Variants in ZNF609 observed in about 807,000 individuals in gnomAD.
ZNF609 encodes the protein zinc finger protein 609.
ZNF609 carries 11 observed loss-of-function variants against 109.5 expected under a neutral mutation model. That is an observed-to-expected ratio of 0.10 (90% CI 0.06 to 0.17). ZNF609 has a LOEUF of 0.17. Ranked by LOEUF, ZNF609 falls within the 10% of genes least tolerant of loss-of-function variation. The pLI is 1.00. For missense variants in ZNF609, 1,559 were observed against 1,772.4 expected (o/e 0.88, Z 2.16); for synonymous variants, 646 against 662.0 (o/e 0.98, Z 0.37).
chr15:64,631,706 A>ATT (rs766937011), intron 3 of ZNF609: 153 of 166,522 alleles, frequency 9.2e-4, no homozygotes, highest in South Asian at 2.2e-3. Context: ...CTAATTTTGT[A>ATT]TTTTTTTTTT....
chr15:64,482,214 C>T (rs937990125), intron 1 of ZNF609, among the ~76,000 whole-genome samples: 5 of 152,226 alleles, frequency 3.3e-5, no homozygotes, highest in Non-Finnish European at 5.9e-5. Context: ...TCTTTCCAAC[C>T]AGATTAAAGT....
chr15:64,674,274 C>T lies in ZNF609; in HGVS notation c.1420C>T (p.Pro474Ser). 1 of 1,614,136 alleles carries T rather than the reference C, an allele frequency of 6.2e-7. No individual in the cohort carries two copies. Among genetic ancestry groups the T allele is most frequent in the East Asian group, 2.2e-5 (1 of 44,882 alleles). ...TAATTCCATGGGCTCAGCCACTGGC[C>T]CCCTTCCTGGGACAAAGGTAGAACC... ...RTNSMGSATG[P>S]LPGTKVEPTV... The change falls in exon 5 of 10, where the codon CCC becomes TCC. Residue 474 changes from proline to serine, a missense_variant. Pro to Ser is a moderately conservative substitution (Grantham distance 74). This residue lies in a region of ZNF609 where 1,204 missense variants were observed against 1,314.1 expected (regional missense o/e 0.92). Coordinates refer to ENST00000326648, the MANE Select transcript of ZNF609 (RefSeq NM_015042.2).
intron 2 of ZNF609, among the ~76,000 whole-genome samples, chr15:64,572,245 C>T (rs1158521413): frequency 2.6e-5 from 4 of 152,064 alleles, no homozygotes; most frequent in Non-Finnish European, 4.4e-5. Context: ...TGACTAATTC[C>T]AACACTTTGG....
chr15:64,628,355 C>G (rs1896006165), intron 3 of ZNF609, among the ~76,000 whole-genome samples: 1 of 151,718 alleles, frequency 6.6e-6, no homozygotes, highest in Non-Finnish European at 1.5e-5. Flanking sequence ...TTGACTATGG[C>G]AACTTAAAAA....
chr15:64,622,927 G>A lies in ZNF609; in HGVS notation c.848G>A (p.Arg283His), dbSNP rs370713409. 1.3e-5 allele frequency: 21 copies of A among 1,614,052 alleles called. No individual in the cohort carries two copies. Among genetic ancestry groups the A allele is most frequent in the Admixed American group, 1.7e-5 (1 of 60,004 alleles). ...ISSPCEQIMV[R>H]TRSVGVNTCD... The stretch of plus-strand genomic sequence containing the variant: ...TCTCCCTGTGAGCAGATCATGGTTC[G>A]TACCCGATCAGTTGGGGTCAACACA... Residue 283 changes from arginine to histidine, a missense_variant, in exon 3 of 10, where the codon CGT becomes CAT. Coordinates refer to ENST00000326648, the MANE Select transcript of ZNF609 (RefSeq NM_015042.2).
intron 2 of ZNF609, among the ~76,000 whole-genome samples, chr15:64,602,910 T>G (rs1394141516): frequency 7.5e-6 from 1 of 133,822 alleles, no homozygotes; most frequent in Non-Finnish European, 1.6e-5. Flanking sequence ...TTTTTTTTTT[T>G]TTTTTTTTGT....
intron 2 of ZNF609, among the ~76,000 whole-genome samples, chr15:64,599,652 C>T: frequency 6.6e-6 from 1 of 151,094 alleles, no homozygotes; most frequent in Admixed American, 6.6e-5. Context: ...TAGTTTACTC[C>T]CCTCCTTCTA....
chr15:64,676,893 A>T (rs1896817774), intron 5 of ZNF609, among the ~76,000 whole-genome samples: 1 of 151,704 alleles, frequency 6.6e-6, no homozygotes, highest in African/African-American at 2.4e-5. Context: ...AGCTGGGATT[A>T]CAGGTGCACG....
In ZNF609 at chr15:64,675,532, A is replaced by G. The variant is rs1896795919; in HGVS notation, c.2678A>G (p.Gln893Arg). The change falls in exon 5 of 10, where the codon CAA becomes CGA. Residue 893 changes from glutamine (Q) to arginine (R), a missense_variant. By Grantham distance (43) the Gln-to-Arg change is conservative. This residue lies in a region of ZNF609 where 1,204 missense variants were observed against 1,314.1 expected (regional missense o/e 0.92). Coordinates refer to ENST00000326648, the MANE Select transcript of ZNF609 (RefSeq NM_015042.2). The stretch of plus-strand genomic sequence containing the variant: ...CAGAGCAAAGACTCACCATATTACC[A>G]AGGCTTTGAGAGTTACTATTCTCCA... ...QPQSKDSPYY[Q>R]GFESYYSPSY... 1.2e-6 allele frequency: 2 copies of G among 1,614,182 alleles called. No individual in the cohort carries two copies. Among genetic ancestry groups the G allele is most frequent in the Non-Finnish European group, 1.7e-6 (2 of 1,180,038 alleles).
intron 3 of ZNF609, among the ~76,000 whole-genome samples, chr15:64,647,983 C>A (rs900071938): frequency 2.6e-5 from 4 of 152,212 alleles, no homozygotes; most frequent in African/African-American, 9.7e-5. Flanking sequence ...ATTGCTGCAT[C>A]TGTTTCTTTT....
chr15:64,611,927 G>A (rs1333745086), intron 2 of ZNF609, among the ~76,000 whole-genome samples: 1 of 151,004 alleles, frequency 6.6e-6, no homozygotes, highest in Non-Finnish European at 1.5e-5. Context: ...TGTAGAGATG[G>A]GGTTTCACTA....
chr15:64,613,190 G>A (rs552089616), intron 2 of ZNF609, among the ~76,000 whole-genome samples: 3 of 151,930 alleles, frequency 2.0e-5, no homozygotes, highest in East Asian at 3.9e-4. Flanking sequence ...TCATGGTGGC[G>A]TGCACCTGTA....
At chr15:64,530,139 C>T (rs1403759495) in intron 2 of ZNF609, among the ~76,000 whole-genome samples, 1 of 151,362 alleles carries the variant, frequency 6.6e-6, no homozygotes, top group South Asian at 2.1e-4. Flanking sequence ...CTCAGCCTCC[C>T]GACTAGCTGG....
intron 1 of ZNF609, among the ~76,000 whole-genome samples, chr15:64,474,970 G>A (rs12904981): frequency 0.053 from 8,061 of 151,576 alleles, 289 homozygotes; most frequent in Non-Finnish European, 0.085. Context: ...TTTGTTGTTT[G>A]TTTTTAAGAT....
rs745652007 is a variant in ZNF609, at chr15:64,622,938, G to T, written c.859G>T (p.Val287Phe). The T allele has an allele frequency of 1.2e-6, 2 of 1,614,204 alleles. No homozygotes were observed. Among genetic ancestry groups the T allele is most frequent in the African/African-American group, 1.3e-5 (1 of 75,064 alleles). The change falls in exon 3 of 10, where the codon GTT (valine) becomes TTT (phenylalanine). Residue 287 changes from valine (V) to phenylalanine (F), a missense_variant. Transcript: ENST00000326648. ...GCAGATCATGGTTCGTACCCGATCAGTTGGGGTCAACACATGTGATGTGGC... is the reference window on the plus strand; with the variant it reads ...GCAGATCATGGTTCGTACCCGATCATTTGGGGTCAACACATGTGATGTGGC... ...CEQIMVRTRS[V>F]GVNTCDVALA... is the part of the protein sequence containing the mutation.
chr15:64,561,560 T>C (rs1287118445), intron 2 of ZNF609, among the ~76,000 whole-genome samples: 3 of 150,258 alleles, frequency 2.0e-5, no homozygotes, highest in Admixed American at 1.3e-4. Context: ...TTCTTTTTTT[T>C]TTTTTTTTTT....
At chr15:64,664,404 G>C (rs551879453) in intron 3 of ZNF609, among the ~76,000 whole-genome samples, 18 of 152,264 alleles carry the variant, frequency 1.2e-4, no homozygotes, top group Non-Finnish European at 2.4e-4. Flanking sequence ...CTGAAAGTAA[G>C]ATTCTAGAGA....
intron 2 of ZNF609, among the ~76,000 whole-genome samples, chr15:64,539,684 A>G (rs1894216668): frequency 6.6e-6 from 1 of 152,028 alleles, no homozygotes; most frequent in African/African-American, 2.4e-5. Flanking sequence ...TTGTATTTTT[A>G]GTAGAGACAG....
intron 3 of ZNF609, among the ~76,000 whole-genome samples, chr15:64,630,647 G>T (rs1268165379): frequency 2.0e-5 from 3 of 151,144 alleles, no homozygotes; most frequent in African/African-American, 4.9e-5. Flanking sequence ...TGCAACCTCC[G>T]AGAAGAAATG....
Sources: allele counts gnomAD v4.1 joint callset (sites outside exome capture counted in the v4.1 genomes callset), GRCh38; gene constraint gnomAD v4.1.1; regional missense constraint gnomAD v4.1.1; transcripts MANE v1.5; gene names NCBI Gene and HGNC (gene_info 2026-07-23, HGNC 2026-07-21).